OSBPL10: variants seen among roughly 807,000 people sequenced by gnomAD.
OSBPL10 encodes the protein oxysterol binding protein like 10.
OSBPL10 carries 49 observed loss-of-function variants against 81.7 expected under a neutral mutation model. That is an observed-to-expected ratio of 0.60 (90% CI 0.48 to 0.76). The LOEUF is 0.76. Among genes scored for constraint, OSBPL10 ranks in the 30% least tolerant of loss-of-function variants. The pLI is 0.00. For synonymous variants in OSBPL10, 419 were observed against 383.6 expected, an observed-to-expected ratio of 1.09 and a Z score of -1.08; for missense variants, 923 against 987.8, an observed-to-expected ratio of 0.93 and a Z score of 0.88.
chr3:31,724,325 G>A (rs999510502), intron 6 of OSBPL10, among the ~76,000 whole-genome samples: 4 of 152,094 alleles, frequency 2.6e-5, no homozygotes, highest in Admixed American at 2.6e-4. Context: ...ATCCAAGGTG[G>A]CTACCTCCCC....
At chr3:31,878,839 G>GTGTT (rs1701550112) in intron 2 of OSBPL10, among the ~76,000 whole-genome samples, 2 of 151,714 alleles carry the variant, frequency 1.3e-5, no homozygotes, top group Non-Finnish European at 2.9e-5. Context: ...GTGTGTGTGT[G>GTGTT]TGTGTGTGTG....
At chr3:31,918,673 G>A (rs1696826714) in intron 1 of OSBPL10, among the ~76,000 whole-genome samples, 1 of 152,028 alleles carries the variant, frequency 6.6e-6, no homozygotes, top group Non-Finnish European at 1.5e-5. Flanking sequence ...CAGTGTATGG[G>A]GTAGACCAGG....
intron 6 of OSBPL10, among the ~76,000 whole-genome samples, chr3:31,706,690 C>T (rs985881674): frequency 6.6e-6 from 1 of 152,196 alleles, no homozygotes; most frequent in African/African-American, 2.4e-5. Flanking sequence ...GCTTTCATCT[C>T]TTAAACAAAT....
intron 3 of OSBPL10, among the ~76,000 whole-genome samples, chr3:31,875,528 C>T (rs976060003): frequency 3.0e-5 from 4 of 132,986 alleles, no homozygotes; most frequent in Admixed American, 1.6e-4. Context: ...CTATCCTAAG[C>T]AAGTTAAGGA....
At chr3:31,946,616 G>A (rs4073767) in intron 1 of OSBPL10, among the ~76,000 whole-genome samples, 26,343 of 152,124 alleles carry the variant, frequency 0.17, 2,853 homozygotes, top group Non-Finnish European at 0.24. Context: ...ATCCACCTGC[G>A]AAAAGCACAA....
chr3:31,882,371 G>A (rs1695606797), intron 1 of OSBPL10, among the ~76,000 whole-genome samples: 1 of 152,172 alleles, frequency 6.6e-6, no homozygotes, highest in Admixed American at 6.5e-5. Context: ...TCAGAACCAG[G>A]GCTATTCAAA....
chr3:31,867,490 C>T lies in OSBPL10; in HGVS notation c.537+8943G>A, dbSNP rs1701208878. On this transcript the variant is annotated intron_variant, in intron 3 of 11. Coordinates refer to ENST00000396556, the MANE Select transcript of OSBPL10 (RefSeq NM_017784.5). ...GACACGGTGGCTCTCACCTGTAATC[C>T]CAGCACTTTGGGAGCCCAAGGAGGG... Among the ~76,000 whole-genome samples the T allele has an allele frequency of 3.3e-5, 5 of 152,192 alleles. No homozygotes were observed. The South Asian group carries it at 1.0e-3, about 32-fold the overall frequency.
In OSBPL10 at chr3:31,812,794, GAA is replaced by G. The variant is rs768053442; in HGVS notation, c.729+17244_729+17245del. Among the ~76,000 whole-genome samples, 251 of 46,698 alleles carry G rather than the reference GAA, an allele frequency of 5.4e-3. 5 individuals carry two copies. The highest frequency in any genetic ancestry group is 0.011 in the South Asian group (9 of 814). 30.6% of individuals were successfully genotyped at this position (46,698 alleles called of 152,430 possible). A position where few individuals can be genotyped will look rare whatever the true frequency, so the allele number is the denominator to read the frequency against. On this transcript the variant is annotated intron_variant, in intron 4 of 11. Coordinates refer to ENST00000396556, the MANE Select transcript of OSBPL10 (RefSeq NM_017784.5). ...AGAAAGAAAGAAAGAAAGAAAGAAA[GAA>G]AGAAAGAAAGAAAGAAAGAAAGAGA...
intron 1 of OSBPL10, among the ~76,000 whole-genome samples, chr3:31,937,552 C>T (rs72852935): frequency 0.064 from 9,688 of 152,130 alleles, 633 homozygotes; most frequent in African/African-American, 0.16. Context: ...CCACTCACCC[C>T]CATCATGCCT....
chr3:31,755,639 A>C (rs976688507), intron 4 of OSBPL10, among the ~76,000 whole-genome samples: 3 of 152,208 alleles, frequency 2.0e-5, no homozygotes, highest in Non-Finnish European at 4.4e-5. Flanking sequence ...AAGTTCAACA[A>C]TTTGACACTT....
chr3:31,965,287 G>A (rs559006955), intron 1 of OSBPL10, among the ~76,000 whole-genome samples: 17 of 147,690 alleles, frequency 1.2e-4, no homozygotes, highest in Admixed American at 4.2e-4. Flanking sequence ...GGAGAATGGC[G>A]TGAACCCAGG....
At chr3:31,731,877 TA>T (rs1245481449) in intron 6 of OSBPL10, among the ~76,000 whole-genome samples, 1 of 152,116 alleles carries the variant, frequency 6.6e-6, no homozygotes, top group Admixed American at 6.5e-5. Flanking sequence ...CAACTTTGTG[TA>T]AAAAACAACA....
At chr3:31,983,095 G>C (rs1252250391), upstream of OSBPL10, among the ~76,000 whole-genome samples, 2 of 152,196 alleles carry the variant, frequency 1.3e-5, no homozygotes, top group Non-Finnish European at 2.9e-5. Flanking sequence ...GTTAGTGTTG[G>C]CCATGTAACA....
At chr3:31,773,058 A>G (rs1698427792) in intron 4 of OSBPL10, among the ~76,000 whole-genome samples, 1 of 152,072 alleles carries the variant, frequency 6.6e-6, no homozygotes, top group Non-Finnish European at 1.5e-5. Flanking sequence ...CTTTAAACAA[A>G]CAAACTGACA....
At chr3:32,011,051 T>C (rs1699251361) in intron 2 of OSBPL10, among the ~76,000 whole-genome samples, 1 of 152,214 alleles carries the variant, frequency 6.6e-6, no homozygotes, top group African/African-American at 2.4e-5. Flanking sequence ...CAGAAACCTC[T>C]GCAGACTTAA....
intron 2 of OSBPL10, chr3:31,988,988 T>C (rs1203845276): frequency 1.3e-6 from 2 of 1,527,784 alleles, no homozygotes; most frequent in Non-Finnish European, 1.8e-6. Flanking sequence ...TTTGTGATAA[T>C]TTGTTTCTCG....
chr3:32,066,010 AAAGAAAGAAAGAAAGAG>A (rs1285104577), intron 1 of OSBPL10, among the ~76,000 whole-genome samples: 1 of 62,240 alleles, frequency 1.6e-5, no homozygotes, highest in African/African-American at 3.7e-5. Context: ...AAAGAAAGAG[AAAGAAAGAAAGAAAGAG>A]AGAGAGAGAG....
Position 31,883,539 on chromosome 3 carries a change from G to T in OSBPL10, c.282-3709C>A, listed in dbSNP as rs866510610. ...ACAGGCATGAGCCTGTTTTTTTTTTGTTGTTTTTTTTTTTTGAGATGAGTC... is the reference window on the plus strand; with the variant it reads ...ACAGGCATGAGCCTGTTTTTTTTTTTTTGTTTTTTTTTTTTGAGATGAGTC... On this transcript the variant is annotated intron_variant, in intron 1 of 11. Transcript: ENST00000396556. 7.4e-3 allele frequency among the ~76,000 whole-genome samples: 716 copies of T among 96,684 alleles called. 5 individuals are homozygous for T. Among genetic ancestry groups the T allele is most frequent in the African/African-American group, 0.028 (639 of 23,044 alleles). The allele number at this position is 96,684 out of a possible 152,430, so 63.4% of individuals were successfully genotyped here. A position where few individuals can be genotyped will look rare whatever the true frequency, so the allele number is the denominator to read the frequency against.
chr3:32,026,406 A>G (rs1168223015), intron 2 of OSBPL10, among the ~76,000 whole-genome samples: 1 of 152,206 alleles, frequency 6.6e-6, no homozygotes, highest in Non-Finnish European at 1.5e-5. Context: ...CAGTGGAATT[A>G]TAGGTTCATG....
Sources: allele counts gnomAD v4.1 joint callset (sites outside exome capture counted in the v4.1 genomes callset), GRCh38; gene constraint gnomAD v4.1.1; transcripts MANE v1.5; gene names NCBI Gene and HGNC (gene_info 2026-07-23, HGNC 2026-07-21).